AGAP1: variants seen among roughly 807,000 people sequenced by gnomAD.
AGAP1 encodes the protein arf-GAP with GTPase, ANK repeat and PH domain-containing protein 1.
A neutral mutation model predicts 105.3 loss-of-function variants in AGAP1; 29 were observed. The observed-to-expected ratio is 0.28, with a 90% CI of 0.21 to 0.38. The LOEUF (loss-of-function observed/expected upper bound fraction) is 0.38, where lower values mean the gene tolerates loss of function less well. AGAP1 is among the 10% of genes least tolerant of loss of function. AGAP1 has a pLI of 1.00. For missense variants in AGAP1, 998 were observed against 1,165.1 expected, an observed-to-expected ratio of 0.86 and a Z score of 2.09; for synonymous variants, 509 against 485.9, an observed-to-expected ratio of 1.05 and a Z score of -0.63.
intron 5 of AGAP1, among the ~76,000 whole-genome samples, chr2:235,746,376 A>ATTTTTT (rs1559427651): frequency 2.3e-5 from 1 of 44,094 alleles, no homozygotes; most frequent in African/African-American, 9.4e-5. Context: ...ACCTCCCCCA[A>ATTTTTT]CTTTTTTTTT....
At chr2:235,686,552 T>TACAC (rs1464294088) in intron 1 of AGAP1, among the ~76,000 whole-genome samples, 14 of 54,350 alleles carry the variant, frequency 2.6e-4, no homozygotes, top group African/African-American at 8.0e-4. Context: ...AGGAGATATA[T>TACAC]ATATACACAC....
chr2:236,092,257 A>G lies in AGAP1; in HGVS notation c.2115-27935A>G, dbSNP rs2059081261. 6.6e-6 allele frequency among the ~76,000 whole-genome samples: 1 copy of G among 152,240 alleles called. No homozygotes were observed. The highest frequency in any genetic ancestry group is 6.5e-5 in the Admixed American group (1 of 15,286). ...TACAAATGACCACAAGGAAAATCGG[A>G]AATGTGGACAAGCCAGGTGGGTTGT... On this transcript the variant is annotated intron_variant, in intron 16 of 17. Coordinates refer to ENST00000304032, the MANE Select transcript of AGAP1 (RefSeq NM_001037131.3). This position sits in a 1 kb window ranked among gnomAD's most constrained non-coding sequence, Gnocchi z 4.7.
At chr2:235,558,708 C>T (rs886101690) in intron 1 of AGAP1, among the ~76,000 whole-genome samples, 6 of 152,100 alleles carry the variant, frequency 3.9e-5, no homozygotes, top group East Asian at 1.9e-4. Context: ...TCGAAATGTG[C>T]GATTAGAAAG....
At chr2:235,563,018 C>T (rs1944213849) in intron 1 of AGAP1, among the ~76,000 whole-genome samples, 1 of 152,106 alleles carries the variant, frequency 6.6e-6, no homozygotes, top group East Asian at 1.9e-4. Flanking sequence ...CGCTGCACAC[C>T]AGCCTGGGGC....
intron 7 of AGAP1, among the ~76,000 whole-genome samples, chr2:235,798,500 G>A (rs73998920): frequency 0.026 from 3,929 of 152,220 alleles, 177 homozygotes; most frequent in African/African-American, 0.09. Context: ...CATGGTGGAA[G>A]GGTTCGGTGT....
At chr2:235,853,141 C>A in intron 9 of AGAP1, 1 of 1,165,944 alleles carries the variant, frequency 8.6e-7, no homozygotes, top group Non-Finnish European at 1.1e-6. Flanking sequence ...CATTTACTGG[C>A]GCTTTGCATG....
rs201865749 is a variant in AGAP1 at position 236,097,434 on chromosome 2, C to T, written c.2115-22758C>T. On this transcript the variant is annotated intron_variant, in intron 16 of 17. Coordinates refer to ENST00000304032, the MANE Select transcript of AGAP1 (RefSeq NM_001037131.3). Reference sequence around the variant, plus strand: ...TTTGAGATGGAGTCTTGCTCTGTCGCCAGGCTGGAGTGCAGTGGCGCGACC... The same window carrying T: ...TTTGAGATGGAGTCTTGCTCTGTCGTCAGGCTGGAGTGCAGTGGCGCGACC... 6.7e-5 allele frequency among the ~76,000 whole-genome samples: 8 copies of T among 119,062 alleles called. No individual in the cohort carries two copies. In the East Asian group the frequency reaches 2.1e-3, roughly 32 times the overall value. 78.1% of individuals were successfully genotyped at this position (119,062 alleles called of 152,430 possible).
chr2:235,699,629 A>C (rs1194484639), intron 1 of AGAP1, among the ~76,000 whole-genome samples: 1 of 152,210 alleles, frequency 6.6e-6, no homozygotes, highest in East Asian at 1.9e-4. Flanking sequence ...CCATGCCCAA[A>C]GTGGTTAACA....
chr2:235,505,649 C>A (rs1219582745), intron 1 of AGAP1: 4 of 152,062 alleles, frequency 2.6e-5, no homozygotes, highest in Non-Finnish European at 5.9e-5. Context: ...AGATCGCAGC[C>A]ACACAAGGCT....
intron 5 of AGAP1, among the ~76,000 whole-genome samples, chr2:235,749,683 C>T (rs1419954726): frequency 1.3e-5 from 2 of 152,146 alleles, no homozygotes; most frequent in Non-Finnish European, 2.9e-5. Flanking sequence ...GGTGAGGGTT[C>T]CCTGACCTCT....
rs2058853854 is a variant in AGAP1 at position 236,083,901 on chromosome 2, G to A, written c.2114+34620G>A. 6.6e-6 allele frequency among the ~76,000 whole-genome samples: 1 copy of A among 152,102 alleles called. No individual in the cohort carries two copies. Among genetic ancestry groups the A allele is most frequent in the African/African-American group, 2.4e-5 (1 of 41,394 alleles). ...TGTGCGTGTGTATGCACACACACGT[G>A]CACACATACACACACAGGCACACAT... On this transcript the variant is annotated intron_variant, in intron 16 of 17. Coordinates refer to ENST00000304032, the MANE Select transcript of AGAP1 (RefSeq NM_001037131.3). This position sits in a 1 kb window ranked among gnomAD's most constrained non-coding sequence, Gnocchi z 5.3.
intron 11 of AGAP1, among the ~76,000 whole-genome samples, chr2:235,928,349 A>G (rs2052554817): frequency 6.6e-6 from 1 of 152,202 alleles, no homozygotes; most frequent in African/African-American, 2.4e-5. Context: ...AGAAGCACAC[A>G]GGACAGTGCA....
chr2:236,062,803 A>C lies in AGAP1; in HGVS notation c.2114+13522A>C, dbSNP rs376026042. Among the ~76,000 whole-genome samples the C allele has an allele frequency of 2.7e-3, 416 of 152,238 alleles. No homozygotes were observed. Among genetic ancestry groups the C allele is most frequent in the African/African-American group, 9.4e-3 (390 of 41,526 alleles). On this transcript the variant is annotated intron_variant, in intron 16 of 17. Transcript: ENST00000304032. This position sits in a 1 kb window ranked among gnomAD's most constrained non-coding sequence, Gnocchi z 4.2. ...CAGCCTCCCAAGTAGCTGGGATTACAGGCTCCCGCCACCTTACCCAGCTAA... is the reference window on the plus strand; with the variant it reads ...CAGCCTCCCAAGTAGCTGGGATTACCGGCTCCCGCCACCTTACCCAGCTAA...
rs3768965 is a variant in AGAP1 at position 235,719,793 on chromosome 2, G to T, written c.310+2149G>T. On this transcript the variant is annotated intron_variant, in intron 3 of 17. Coordinates refer to ENST00000304032, the MANE Select transcript of AGAP1 (RefSeq NM_001037131.3). The surrounding 1 kb of genome is among the most constrained non-coding windows in gnomAD (Gnocchi z 4.9). ...TCACCTTTTGACTCGAGGTCCCAGG[G>T]ATTGTTCTGTGGGAGTGTGAGGAGC... Among the ~76,000 whole-genome samples, 264 of 152,298 alleles carry T rather than the reference G, an allele frequency of 1.7e-3. 8 individuals are homozygous for T. In the East Asian group the frequency reaches 0.045, roughly 26 times the overall value.
chr2:236,000,891 C>T lies in AGAP1; in HGVS notation c.1645+32268C>T, dbSNP rs1411338780. Among the ~76,000 whole-genome samples the T allele has an allele frequency of 1.3e-5, 2 of 152,256 alleles. No homozygotes were observed. The highest frequency in any genetic ancestry group is 3.4e-3 in the Middle Eastern group (1 of 294). On this transcript the variant is annotated intron_variant, in intron 13 of 17. Transcript: ENST00000304032. This position sits in a 1 kb window ranked among gnomAD's most constrained non-coding sequence, Gnocchi z 4.3. ...GAGAAAGGGCCTGTGTGGAAGGAAC[C>T]AGGGCCAAGCGAGGGAGGCAGATGC...
chr2:235,892,993 C>T (rs914126715), intron 10 of AGAP1, among the ~76,000 whole-genome samples: 11 of 152,146 alleles, frequency 7.2e-5, no homozygotes, highest in Non-Finnish European at 2.9e-5. Context: ...CTGCAGAAGG[C>T]GTGATTCATC....
At chr2:235,869,823 A>AG (rs2106556859) in intron 9 of AGAP1, among the ~76,000 whole-genome samples, 1 of 152,348 alleles carries the variant, frequency 6.6e-6, no homozygotes, top group East Asian at 1.9e-4. Flanking sequence ...CATCTATCTG[A>AG]GACCTCAGTT....
At position 235,889,476 on chromosome 2, in the gene AGAP1, C is replaced by T. The variant is rs2050425849; in HGVS notation, c.1155+6027C>T. ...CAGCTGGGTGGTGGCCCTGGGATGT[C>T]ACTTTCCTTCCCACTTAATTGCTTT... On this transcript the variant is annotated intron_variant, in intron 10 of 17. Transcript: ENST00000304032. The surrounding 1 kb of genome is among the most constrained non-coding windows in gnomAD (Gnocchi z 4.6). Among the ~76,000 whole-genome samples, 1 of 151,936 alleles carries T rather than the reference C, an allele frequency of 6.6e-6. No homozygotes were observed. Among genetic ancestry groups the T allele is most frequent in the African/African-American group, 2.4e-5 (1 of 41,364 alleles).
In AGAP1 at chr2:235,739,992, C is replaced by T. The variant is rs772799010; in HGVS notation, c.311-971C>T. Among the ~76,000 whole-genome samples, 7 of 152,194 alleles carry T rather than the reference C, an allele frequency of 4.6e-5. No individual in the cohort carries two copies. Among genetic ancestry groups the T allele is most frequent in the Non-Finnish European group, 7.3e-5 (5 of 68,030 alleles). On this transcript the variant is annotated intron_variant, in intron 3 of 17. Coordinates refer to ENST00000304032, the MANE Select transcript of AGAP1 (RefSeq NM_001037131.3). The surrounding 1 kb of genome is among the most constrained non-coding windows in gnomAD (Gnocchi z 5.3). ...TCTGGACGGCATCTGCACAGAGGAG[C>T]GGAAGACAAGAGCTGGGAACCGATG...
Sources: allele counts gnomAD v4.1 joint callset (sites outside exome capture counted in the v4.1 genomes callset), GRCh38; gene constraint gnomAD v4.1.1; non-coding constraint Gnocchi (gnomAD v3.1); transcripts MANE v1.5; gene names NCBI Gene and HGNC (gene_info 2026-07-23, HGNC 2026-07-21).